Variants in BCL10 observed in about 807,000 individuals in gnomAD.
BCL10 encodes the protein B-cell lymphoma/leukemia 10.
BCL10 carries 5 observed loss-of-function variants against 19.2 expected under a neutral mutation model. That is an observed-to-expected ratio of 0.26 (90% CI 0.14 to 0.55). BCL10 has a LOEUF of 0.55. BCL10 is among the 20% of genes least tolerant of loss of function. BCL10 has a pLI of 0.94. For missense variants in BCL10, 201 were observed against 271.9 expected (o/e 0.74, Z 1.83); for synonymous variants, 110 against 98.8 (o/e 1.11, Z -0.67).
Position 85,267,887 on chromosome 1 carries a change from T to G in BCL10, c.442A>C (p.Arg148=). 1 of 1,613,956 alleles carries G rather than the reference T, an allele frequency of 6.2e-7. No individual in the cohort carries two copies. Among genetic ancestry groups the G allele is most frequent in the Non-Finnish European group, 8.5e-7 (1 of 1,179,962 alleles). ...SDESNFSEKL[R]ASTVMYHPEG... ...GGATGGTACATGACAGTGGATGCCC[T>G]CAGTTTTTCAGAGAAATTACTCTCA... The change falls in exon 3 of 3, where the codon AGG becomes CGG. Residue 148 remains arginine (R), a synonymous_variant. Coordinates refer to ENST00000648566, the MANE Select transcript of BCL10 (RefSeq NM_003921.5).
At chr1:85,271,513 G>C (rs1660370617) in intron 1 of BCL10, among the ~76,000 whole-genome samples, 1 of 152,038 alleles carries the variant, frequency 6.6e-6, no homozygotes, top group Non-Finnish European at 1.5e-5. Context: ...TTCGAAAAAT[G>C]AAAGAAATAA....
intron 1 of BCL10, among the ~76,000 whole-genome samples, chr1:85,272,425 G>A (rs1660394218): frequency 7.2e-6 from 1 of 138,572 alleles, no homozygotes; most frequent in East Asian, 2.1e-4. Flanking sequence ...TTTTTTTGTA[G>A]AGAAGGGATC....
At chr1:85,269,545 A>C (rs1340282704) in intron 2 of BCL10, among the ~76,000 whole-genome samples, 1 of 152,224 alleles carries the variant, frequency 6.6e-6, no homozygotes, top group Non-Finnish European at 1.5e-5. Context: ...TATACAAACT[A>C]CTTTCTTAGA....
In BCL10 at chr1:85,266,876, C is replaced by CAAAA. The variant is rs71650007; in HGVS notation, c.*747_*750dup. ...CCTGGGCGATAGAGCAAGACTGTCT[C>CAAAA]AAAAAAAAAAAAAAAAAAAAAAGAA... On this transcript the variant is annotated 3_prime_UTR_variant, in exon 3 of 3. Coordinates refer to ENST00000648566, the MANE Select transcript of BCL10 (RefSeq NM_003921.5). The CAAAA allele has an allele frequency of 7.9e-5, 7 of 88,512 alleles. No individual in the cohort carries two copies. The highest frequency in any genetic ancestry group is 2.4e-4 in the African/African-American group (5 of 20,504). 5.5% of individuals were successfully genotyped at this position (88,512 alleles called of 1,614,324 possible).
intron 2 of BCL10, among the ~76,000 whole-genome samples, chr1:85,270,269 T>C (rs965312880): frequency 5.3e-5 from 8 of 152,228 alleles, no homozygotes; most frequent in African/African-American, 1.9e-4. Flanking sequence ...AATGATCATT[T>C]CTGTTTTTGT....
At chr1:85,268,048 G>A in intron 2 of BCL10, 66 bp from the exon 3 acceptor site, 1 of 1,110,994 alleles carries the variant, frequency 9.0e-7, no homozygotes, top group Non-Finnish European at 1.3e-6. Flanking sequence ...TGTCCATCTT[G>A]TGACTTGTTA....
At chr1:85,269,468 C>A (rs1660300691) in intron 2 of BCL10, among the ~76,000 whole-genome samples, 1 of 152,208 alleles carries the variant, frequency 6.6e-6, no homozygotes, top group Non-Finnish European at 1.5e-5. Flanking sequence ...CTATAAAGGG[C>A]ACTTACATGT....
intron 2 of BCL10, among the ~76,000 whole-genome samples, chr1:85,270,327 C>A (rs983852527): frequency 6.6e-6 from 1 of 152,228 alleles, no homozygotes; most frequent in Non-Finnish European, 1.5e-5. Context: ...GACTGGAGTG[C>A]AGTAGCACAA....
Position 85,276,445 on chromosome 1 carries a change from G to A in BCL10, c.-93C>T. ...GGGGCTTCGGCCTCCGGGTAATGGGGAAGAAGGAGAGGAGGCGGAGCGGGT... is the reference window on the plus strand; with the variant it reads ...GGGGCTTCGGCCTCCGGGTAATGGGAAAGAAGGAGAGGAGGCGGAGCGGGT... On this transcript the variant is annotated 5_prime_UTR_variant, in exon 1 of 3. Transcript: ENST00000648566. The A allele has an allele frequency of 3.5e-6, 5 of 1,425,232 alleles. No homozygotes were observed. The South Asian group carries it at 4.6e-5, about 13-fold the overall frequency. 88.3% of individuals were successfully genotyped at this position (1,425,232 alleles called of 1,614,324 possible).
chr1:85,273,111 G>C (rs1313748822), intron 1 of BCL10, among the ~76,000 whole-genome samples: 1 of 152,122 alleles, frequency 6.6e-6, no homozygotes, highest in Non-Finnish European at 1.5e-5. Context: ...GAATGAGTTA[G>C]GCACCCCGTC....
At position 85,269,726 on chromosome 1, in the gene BCL10, C is replaced by T. The variant is rs543776021; in HGVS notation, c.346+892G>A. On this transcript the variant is annotated intron_variant, in intron 2 of 2. Transcript: ENST00000648566. ...TGCTCTGGAGAGAGACAGTGAGGAACAGAGGCAGGAGGGGGTTGGGGATTT... is the reference window on the plus strand; with the variant it reads ...TGCTCTGGAGAGAGACAGTGAGGAATAGAGGCAGGAGGGGGTTGGGGATTT... Among the ~76,000 whole-genome samples the T allele has an allele frequency of 4.6e-5, 7 of 152,270 alleles. No homozygotes were observed. The East Asian group carries it at 1.4e-3, about 29-fold the overall frequency.
At chr1:85,270,120 AG>A (rs1351658495) in intron 2 of BCL10, among the ~76,000 whole-genome samples, 1 of 152,218 alleles carries the variant, frequency 6.6e-6, no homozygotes, top group Non-Finnish European at 1.5e-5. Context: ...ATTTCATAAT[AG>A]TTTTCTATAA....
At chr1:85,268,927 T>C (rs1187257613) in intron 2 of BCL10, among the ~76,000 whole-genome samples, 2 of 152,220 alleles carry the variant, frequency 1.3e-5, no homozygotes, top group Admixed American at 6.5e-5. Flanking sequence ...GTTGTTCCCA[T>C]TAGCTGTGGT....
chr1:85,276,026 G>A (rs1475180092), intron 1 of BCL10, among the ~76,000 whole-genome samples: 1 of 152,240 alleles, frequency 6.6e-6, no homozygotes, highest in Admixed American at 6.5e-5. Flanking sequence ...GAGGAGATGG[G>A]TGAGGAGTGG....
rs1438827633 is a variant in BCL10 at position 85,266,154 on chromosome 1, A to G, written c.*1473T>C. 5.3e-6 allele frequency: 1 copy of G among 187,270 alleles called. No homozygotes were observed. Among genetic ancestry groups the G allele is most frequent in the Non-Finnish European group, 1.1e-5 (1 of 88,804 alleles). The allele number at this position is 187,270 out of a possible 1,614,324, so 11.6% of individuals were successfully genotyped here. ...TCCAGAAATGCAACTCAATCTCACAACCTGAAGTAATGTTTTCTATAGATA... is the reference window on the plus strand; with the variant it reads ...TCCAGAAATGCAACTCAATCTCACAGCCTGAAGTAATGTTTTCTATAGATA... On this transcript the variant is annotated 3_prime_UTR_variant, in exon 3 of 3. Transcript: ENST00000648566.
At chr1:85,271,244 A>G (rs958563791) in intron 1 of BCL10, among the ~76,000 whole-genome samples, 1 of 152,226 alleles carries the variant, frequency 6.6e-6, no homozygotes, top group Admixed American at 6.5e-5. Flanking sequence ...ACTACTGTAC[A>G]TTTTAGCTAT....
Position 85,267,644 on chromosome 1 carries a change from T to A in BCL10, c.685A>T (p.Thr229Ser), listed in dbSNP as rs780769969. ...ATAAAGTGTCATTGTCGTGAAACAG[T>A]ACGTGATCTTAAGGGAAGAAACATC... The part of the protein sequence containing the change: ...SEMFLPLRSR[T>S]VSRQ Residue 229 changes from threonine (T) to serine (S), a missense_variant, in exon 3 of 3, where the codon ACT becomes TCT. Physicochemically the swap from Thr to Ser is moderately conservative, Grantham distance 58. Transcript: ENST00000648566. 2.1e-5 allele frequency: 34 copies of A among 1,601,206 alleles called. No individual in the cohort carries two copies. The Admixed American group carries it at 5.8e-4, about 27-fold the overall frequency.
At chr1:85,269,735 G>A (rs1238169291) in intron 2 of BCL10, among the ~76,000 whole-genome samples, 1 of 152,232 alleles carries the variant, frequency 6.6e-6, no homozygotes, top group Non-Finnish European at 1.5e-5. Flanking sequence ...ACAGAGGCAG[G>A]AGGGGGTTGG....
rs1229802365 is a variant in BCL10 at position 85,276,331 on chromosome 1, G to T, written c.22C>A (p.Leu8Ile). 6.2e-7 allele frequency: 1 copy of T among 1,613,662 alleles called. No individual in the cohort carries two copies. The highest frequency in any genetic ancestry group is 1.1e-5 in the South Asian group (1 of 91,052). The change falls in exon 1 of 3, where the codon CTC becomes ATC. Residue 8 changes from leucine to isoleucine, a missense_variant. Leu to Ile is a conservative substitution (Grantham distance 5, BLOSUM62 2). Transcript: ENST00000648566. MEPTAPSLTEEDLTEVKK... is the reference protein window; with the variant it reads MEPTAPSITEEDLTEVKK... ...ACTTCAGTGAGGTCCTCCTCGGTGA[G>T]GGACGGTGCGGTGGGCTCCATGGTG...
Sources: allele counts gnomAD v4.1 joint callset (sites outside exome capture counted in the v4.1 genomes callset), GRCh38; gene constraint gnomAD v4.1.1; transcripts MANE v1.5; gene names NCBI Gene and HGNC (gene_info 2026-07-23, HGNC 2026-07-21).